KCNK2: variants seen among roughly 807,000 people sequenced by gnomAD.
The protein encoded by KCNK2 is potassium two pore domain channel subfamily K member 2.
In KCNK2, 21 loss-of-function variants were observed where a neutral mutation model predicts 40.5. The observed-to-expected ratio is 0.52, with a 90% CI of 0.37 to 0.75. The LOEUF (loss-of-function observed/expected upper bound fraction) is 0.75, where lower values mean the gene tolerates loss of function less well. KCNK2 is among the 30% of genes least tolerant of loss of function. KCNK2 has a pLI of 0.00. For missense variants in KCNK2, 399 were observed against 531.6 expected, an observed-to-expected ratio of 0.75 and a Z score of 2.45; for synonymous variants, 191 against 202.2, an observed-to-expected ratio of 0.94 and a Z score of 0.47.
At chr1:215,102,513 G>A (rs113726941) in intron 2 of KCNK2, among the ~76,000 whole-genome samples, 1 of 152,016 alleles carries the variant, frequency 6.6e-6, no homozygotes, top group East Asian at 1.9e-4. Flanking sequence ...GTAAGCTAAT[G>A]TTAATCTGTT....
chr1:215,065,163 C>T (rs1003477674), intron 1 of KCNK2, among the ~76,000 whole-genome samples: 20 of 152,130 alleles, frequency 1.3e-4, no homozygotes, highest in Admixed American at 1.1e-3. Context: ...AAAGTTTCTT[C>T]TAAACAGAAC....
intron 3 of KCNK2, among the ~76,000 whole-genome samples, chr1:215,168,111 A>G (rs2102632333): frequency 6.6e-6 from 1 of 152,338 alleles, no homozygotes; most frequent in African/African-American, 2.4e-5. Context: ...CATATGAAAA[A>G]CAGCTCAACA....
intron 6 of KCNK2, among the ~76,000 whole-genome samples, chr1:215,212,370 T>C (rs894888089): frequency 2.0e-5 from 3 of 152,132 alleles, no homozygotes; most frequent in African/African-American, 7.2e-5. Flanking sequence ...TAAATATTTT[T>C]AAACTTTCTA....
chr1:215,173,532 G>A (rs1449529631), intron 5 of KCNK2, among the ~76,000 whole-genome samples: 1 of 152,178 alleles, frequency 6.6e-6, no homozygotes, highest in Non-Finnish European at 1.5e-5. Flanking sequence ...CTAGATCCCT[G>A]AGGAATTGCC....
chr1:215,169,929 A>T (rs1243497568), intron 4 of KCNK2, among the ~76,000 whole-genome samples: 1 of 152,106 alleles, frequency 6.6e-6, no homozygotes, highest in Non-Finnish European at 1.5e-5. Context: ...TACAGGCTTG[A>T]GCCACCGTGC....
intron 3 of KCNK2, among the ~76,000 whole-genome samples, chr1:215,165,736 G>A (rs1449259115): frequency 6.6e-6 from 1 of 152,006 alleles, no homozygotes; most frequent in Non-Finnish European, 1.5e-5. Flanking sequence ...TTCCAGGAAT[G>A]GCTATAATAT....
chr1:215,184,703 C>G (rs922159935), intron 5 of KCNK2, among the ~76,000 whole-genome samples: 2 of 152,104 alleles, frequency 1.3e-5, no homozygotes, highest in Non-Finnish European at 2.9e-5. Flanking sequence ...ATGGGGGAAA[C>G]CACTCCTATG....
intron 5 of KCNK2, among the ~76,000 whole-genome samples, chr1:215,185,213 G>C (rs938033946): frequency 6.6e-6 from 1 of 152,086 alleles, no homozygotes; most frequent in African/African-American, 2.4e-5. Context: ...AATTTGATGT[G>C]ATTAATATGA....
In KCNK2 at chr1:215,209,994, TAA is replaced by T. The variant is rs1665645041; in HGVS notation, c.963+14903_963+14904del. 3.0e-3 allele frequency among the ~76,000 whole-genome samples: 10 copies of T among 3,378 alleles called. No individual in the cohort carries two copies. In the South Asian group the frequency reaches 0.035, roughly 12 times the overall value. The allele number at this position is 3,378 out of a possible 152,430, so 2.2% of individuals were successfully genotyped here. On this transcript the variant is annotated intron_variant, in intron 6 of 6. Coordinates refer to ENST00000444842, the MANE Select transcript of KCNK2 (RefSeq NM_001017425.3). ...TATTATATATATTATATATAATATA[TAA>T]TATATATTATATATAATATATAATA...
intron 2 of KCNK2, among the ~76,000 whole-genome samples, chr1:215,093,702 TTATATTA>T (rs1336766757): frequency 6.4e-5 from 6 of 93,294 alleles, no homozygotes; most frequent in Non-Finnish European, 9.5e-5. Flanking sequence ...ATATTATATA[TTATATTA>T]TATATTATAT....
chr1:215,188,805 C>T (rs1332430972), intron 5 of KCNK2, among the ~76,000 whole-genome samples: 1 of 152,246 alleles, frequency 6.6e-6, no homozygotes, highest in Admixed American at 6.5e-5. Context: ...TCATTACCAC[C>T]ATCACAATGG....
At chr1:215,011,629 G>C (rs1397256637) in intron 1 of KCNK2, among the ~76,000 whole-genome samples, 1 of 136,406 alleles carries the variant, frequency 7.3e-6, no homozygotes, top group Admixed American at 7.5e-5. Flanking sequence ...TTTTTGAGAT[G>C]GAGTCTCACT....
intron 3 of KCNK2, among the ~76,000 whole-genome samples, chr1:215,134,144 T>C (rs1661796394): frequency 6.6e-6 from 1 of 152,198 alleles, no homozygotes; most frequent in African/African-American, 2.4e-5. Context: ...TTCTTACGAC[T>C]TGACACAGGG....
intron 3 of KCNK2, among the ~76,000 whole-genome samples, chr1:215,126,743 G>A (rs538022430): frequency 6.6e-6 from 1 of 152,016 alleles, no homozygotes; most frequent in African/African-American, 2.4e-5. Flanking sequence ...CCAAATTATA[G>A]CCATTAAGCA....
Position 215,007,070 on chromosome 1 carries a change from TG to T in KCNK2, c.34+1116del, listed in dbSNP as rs1281479992. Among the ~76,000 whole-genome samples the T allele has an allele frequency of 6.9e-5, 9 of 130,902 alleles. No homozygotes were observed. The East Asian group carries it at 1.0e-3, about 15-fold the overall frequency. The allele number at this position is 130,902 out of a possible 152,430, so 85.9% of individuals were successfully genotyped here. A position where few individuals can be genotyped will look rare whatever the true frequency, so the allele number is the denominator to read the frequency against. ...GTGTGTATATATATATGTGTGTGTG[TG>T]TATATATATATGTGTGTATATATAT... On this transcript the variant is annotated intron_variant, in intron 1 of 6. Transcript: ENST00000391895.
At chr1:215,085,020 T>A (rs1354236154) in intron 1 of KCNK2, among the ~76,000 whole-genome samples, 1 of 152,250 alleles carries the variant, frequency 6.6e-6, no homozygotes, top group African/African-American at 2.4e-5. Flanking sequence ...AGCCTACAAT[T>A]AACTCACAGT....
At chr1:215,108,289 T>A (rs1282814820) in intron 2 of KCNK2, among the ~76,000 whole-genome samples, 1 of 152,090 alleles carries the variant, frequency 6.6e-6, no homozygotes, top group Non-Finnish European at 1.5e-5. Context: ...AATCTAGAGA[T>A]GATTTAATGG....
intron 1 of KCNK2, among the ~76,000 whole-genome samples, chr1:215,022,201 G>T (rs1656830175): frequency 6.8e-6 from 1 of 147,344 alleles, no homozygotes; most frequent in Admixed American, 6.8e-5. Context: ...CAGTCAATTT[G>T]GAATTTCTTC....
chr1:215,169,366 A>G lies in KCNK2; in HGVS notation c.636+7A>G. 1 of 1,591,460 alleles carries G rather than the reference A, an allele frequency of 6.3e-7. No individual in the cohort carries two copies. Among genetic ancestry groups the G allele is most frequent in the Non-Finnish European group, 8.6e-7 (1 of 1,165,644 alleles). Reference sequence around the variant, plus strand: ...AGTGGAAGATACGTTTATTGTGAGTATGATAGATATTTAACTACGTATATT... The same window carrying G: ...AGTGGAAGATACGTTTATTGTGAGTGTGATAGATATTTAACTACGTATATT... On this transcript the variant is annotated splice_region_variant and intron_variant, in intron 4 of 6. Coordinates refer to ENST00000444842, the MANE Select transcript of KCNK2 (RefSeq NM_001017425.3).
Sources: gnomAD v4.1 joint callset for allele counts (sites outside exome capture counted in the v4.1 genomes callset) on GRCh38, gnomAD v4.1.1 for gene constraint, MANE v1.5 for transcripts, NCBI Gene and HGNC (gene_info 2026-07-23, HGNC 2026-07-21) for gene names.